Variants in TMEM117 observed in about 807,000 individuals in gnomAD.
TMEM117 encodes the protein transmembrane protein 117.
TMEM117 carries 27 observed loss-of-function variants against 52.4 expected under a neutral mutation model. That is an observed-to-expected ratio of 0.51 (90% confidence interval 0.38 to 0.71). The LOEUF (loss-of-function observed/expected upper bound fraction) is 0.71, where lower values mean the gene tolerates loss of function less well. Among genes scored for constraint, TMEM117 ranks in the 30% least tolerant of loss-of-function variants. The pLI is 0.00. For synonymous variants in TMEM117, 215 were observed against 206.3 expected (o/e 1.04, Z -0.36); for missense variants, 556 against 630.5 (o/e 0.88, Z 1.26).
At chr12:43,980,727 A>C (rs990212871) in intron 3 of TMEM117, among the ~76,000 whole-genome samples, 28 of 152,176 alleles carry the variant, frequency 1.8e-4, no homozygotes, top group African/African-American at 6.5e-4. Context: ...ACTCTGGCCA[A>C]GCAACAGATG....
At chr12:44,231,868 A>G (rs1462087310) in intron 5 of TMEM117, among the ~76,000 whole-genome samples, 1 of 151,692 alleles carries the variant, frequency 6.6e-6, no homozygotes, top group Non-Finnish European at 1.5e-5. Context: ...CTCATTTGGT[A>G]CCTGGTCTTT....
At chr12:43,867,472 A>C (rs978647124) in intron 2 of TMEM117, among the ~76,000 whole-genome samples, 5 of 152,248 alleles carry the variant, frequency 3.3e-5, no homozygotes, top group African/African-American at 1.2e-4. Flanking sequence ...TGGTAGACCT[A>C]AATCCAACTG....
At chr12:44,279,861 A>G (rs552201908) in intron 5 of TMEM117, among the ~76,000 whole-genome samples, 1 of 152,304 alleles carries the variant, frequency 6.6e-6, no homozygotes, top group East Asian at 1.9e-4. Context: ...TGTCTTCAAC[A>G]GTGGTCCATC....
At chr12:43,877,486 T>C (rs1438731818) in intron 2 of TMEM117, among the ~76,000 whole-genome samples, 2 of 151,712 alleles carry the variant, frequency 1.3e-5, no homozygotes, top group East Asian at 3.9e-4. Context: ...ATACAAAAAA[T>C]TAGCTGGACA....
chr12:43,858,480 A>G (rs768794844), intron 2 of TMEM117, among the ~76,000 whole-genome samples: 4 of 152,214 alleles, frequency 2.6e-5, no homozygotes, highest in African/African-American at 7.2e-5. Flanking sequence ...AAGAAGTCCT[A>G]TAGTTTCAGG....
the TMEM117 span, among the ~76,000 whole-genome samples, chr12:43,808,438 G>A: frequency 6.6e-6 from 1 of 152,180 alleles, no homozygotes; most frequent in African/African-American, 2.4e-5. Flanking sequence ...GCCCATGAGT[G>A]AAAGGCAATT....
At chr12:44,340,182 A>G (rs1165242215) in intron 6 of TMEM117, among the ~76,000 whole-genome samples, 9 of 152,118 alleles carry the variant, frequency 5.9e-5, no homozygotes, top group Non-Finnish European at 1.3e-4. Context: ...TCTGTGAAAA[A>G]CAAATGTTGG....
intron 6 of TMEM117, among the ~76,000 whole-genome samples, chr12:44,305,441 TAA>T (rs1272676188): frequency 6.7e-6 from 1 of 149,758 alleles, no homozygotes; most frequent in Non-Finnish European, 1.5e-5. Flanking sequence ...AAAAGATACT[TAA>T]ACAACTCAAC....
intron 4 of TMEM117, among the ~76,000 whole-genome samples, chr12:44,188,684 A>G (rs1166453451): frequency 2.6e-5 from 4 of 152,254 alleles, no homozygotes; most frequent in South Asian, 2.1e-4. Context: ...CACCCCAAGT[A>G]CAATTGCAAC....
Position 44,292,735 on chromosome 12 carries a change from ATGT to A in TMEM117, c.609-6840_609-6838del, listed in dbSNP as rs565552059. Among the ~76,000 whole-genome samples the A allele has an allele frequency of 9.3e-4, 141 of 152,064 alleles. 1 individual carries two copies. The highest frequency in any genetic ancestry group is 3.3e-3 in the African/African-American group (136 of 41,540). On this transcript the variant is annotated intron_variant, in intron 5 of 7. Coordinates refer to ENST00000266534, the MANE Select transcript of TMEM117 (RefSeq NM_032256.3). ...TTGACCCATTGGTTGTTCAGGTAGC[ATGT>A]TGTTTAATTTTCATATGCTTGTGAA...
intron 2 of TMEM117, among the ~76,000 whole-genome samples, chr12:43,896,219 G>A (rs1390641744): frequency 6.6e-6 from 1 of 152,198 alleles, no homozygotes; most frequent in South Asian, 2.1e-4. Flanking sequence ...ATGAGGCACT[G>A]GAGATATAAA....
At chr12:44,116,913 T>A (rs1483203113) in intron 3 of TMEM117, among the ~76,000 whole-genome samples, 1 of 152,228 alleles carries the variant, frequency 6.6e-6, no homozygotes, top group Non-Finnish European at 1.5e-5. Flanking sequence ...TCCTAACTGA[T>A]CTAATTTTAT....
intron 2 of TMEM117, among the ~76,000 whole-genome samples, chr12:43,867,658 CAAAAG>C (rs1943626397): frequency 6.6e-6 from 1 of 150,432 alleles, no homozygotes; most frequent in Admixed American, 6.6e-5. Context: ...AAACAGTTAA[CAAAAG>C]AAAACTAGTG....
chr12:44,021,477 G>T (rs751319788), intron 3 of TMEM117, among the ~76,000 whole-genome samples: 1 of 152,202 alleles, frequency 6.6e-6, no homozygotes, highest in African/African-American at 2.4e-5. Flanking sequence ...GTATTAGCTT[G>T]ATTTGGCCTC....
chr12:44,006,947 G>A (rs1168664267), intron 3 of TMEM117, among the ~76,000 whole-genome samples: 2 of 152,094 alleles, frequency 1.3e-5, no homozygotes, highest in Non-Finnish European at 1.5e-5. Flanking sequence ...GTTTTACATG[G>A]TAACCTTCCT....
intron 5 of TMEM117, among the ~76,000 whole-genome samples, chr12:44,244,217 C>T (rs909553356): frequency 6.6e-6 from 1 of 151,908 alleles, no homozygotes; most frequent in Non-Finnish European, 1.5e-5. Context: ...TTCAAAATGG[C>T]TGCACTAATT....
intron 1 of TMEM117, among the ~76,000 whole-genome samples, chr12:43,841,152 A>G (rs1943109922): frequency 6.6e-6 from 1 of 152,262 alleles, no homozygotes; most frequent in Non-Finnish European, 1.5e-5. Context: ...GCAAGAATAA[A>G]TTCCAGCCAG....
chr12:44,066,975 A>G (rs190233383), intron 3 of TMEM117, among the ~76,000 whole-genome samples: 87 of 152,304 alleles, frequency 5.7e-4, no homozygotes, highest in Non-Finnish European at 9.3e-4. Context: ...TGTCAACTAA[A>G]TTTACGTAAA....
At chr12:43,826,881 T>A in the TMEM117 span, among the ~76,000 whole-genome samples, 3 of 152,120 alleles carry the variant, frequency 2.0e-5, no homozygotes, top group Non-Finnish European at 4.4e-5. Flanking sequence ...TCTAGAATAG[T>A]GCCTGGAATG....
Sources: allele counts gnomAD v4.1 joint callset (sites outside exome capture counted in the v4.1 genomes callset), GRCh38; gene constraint gnomAD v4.1.1; transcripts MANE v1.5; gene names NCBI Gene and HGNC (gene_info 2026-07-23, HGNC 2026-07-21).